The following CHID1 variants were observed in gnomAD, a reference collection of about 807,000 sequenced individuals.
CHID1 encodes chitinase domain-containing protein 1.
In CHID1, 44 loss-of-function variants were observed where a neutral mutation model predicts 55.4. The ratio of observed to expected loss-of-function variants is 0.79; its 90% CI spans 0.62 to 1.02. CHID1 has a LOEUF of 1.02. Ranked by LOEUF, CHID1 falls within the 50% of genes least tolerant of loss-of-function variation. CHID1 has a pLI of 0.00. For synonymous variants in CHID1, 216 were observed against 212.9 expected, an observed-to-expected ratio of 1.01 and a Z score of -0.13; for missense variants, 491 against 515.3, an observed-to-expected ratio of 0.95 and a Z score of 0.46.
upstream of CHID1, chr11:911,444 T>C (rs17155655): frequency 0.047 from 7,090 of 152,102 alleles, 299 homozygotes; most frequent in East Asian, 0.21. Flanking sequence ...GCCAGCACTT[T>C]TGAGTCACCG....
Position 870,104 on chromosome 11 carries a change from G to A in CHID1, c.1083+17C>T. 1.2e-6 allele frequency: 2 copies of A among 1,612,776 alleles called. No homozygotes were observed. On this transcript the variant is annotated intron_variant, in intron 12 of 12. Transcript: ENST00000323578. Reference sequence around the variant, plus strand: ...GGCCCACCCCTCCCCCGGTCCCACGGCTGGCAGCACACGCACCTTCAGGGT... The same window carrying A: ...GGCCCACCCCTCCCCCGGTCCCACGACTGGCAGCACACGCACCTTCAGGGT...
At chr11:895,587 G>A (rs1851212729) in intron 7 of CHID1, among the ~76,000 whole-genome samples, 2 of 152,182 alleles carry the variant, frequency 1.3e-5, no homozygotes, top group Admixed American at 6.5e-5. Flanking sequence ...ACAACTGTAA[G>A]GGGCTGATCC....
In CHID1 at chr11:883,214, C is replaced by T; in HGVS notation, c.893G>A (p.Gly298Glu). The change falls in exon 10 of 13, where the codon GGG (glycine) becomes GAG (glutamate). Residue 298 changes from glycine to glutamate, a missense_variant. Transcript: ENST00000323578. Reference protein sequence around the residue: ...KSKWRSKILLGLNFYGMDYAT... With the variant: ...KSKWRSKILLELNFYGMDYAT... ...GTAGTCCATACCATAGAAGTTGAGC[C>T]CCAGGAGGATTTTGCTTCGCCACTT... The T allele has an allele frequency of 6.2e-7, 1 of 1,614,206 alleles. No homozygotes were observed. Among genetic ancestry groups the T allele is most frequent in the Non-Finnish European group, 8.5e-7 (1 of 1,180,024 alleles).
At position 878,763 on chromosome 11, in the gene CHID1, G is replaced by A. The variant is rs371114842; in HGVS notation, c.959+4385C>T. On this transcript the variant is annotated intron_variant, in intron 10 of 12. Coordinates refer to ENST00000323578, the MANE Select transcript of CHID1 (RefSeq NM_023947.4). ...GTTGCCCAGGCTGGAGTGCAATGGC[G>A]CGATCTCCACTCACTGCAACGTCTG... Among the ~76,000 whole-genome samples, 8 of 150,990 alleles carry A rather than the reference G, an allele frequency of 5.3e-5. No homozygotes were observed. In the East Asian group the frequency reaches 1.2e-3, roughly 23 times the overall value.
Position 884,242 on chromosome 11 carries a change from C to T in CHID1, c.702-73G>A. 5 of 1,197,890 alleles carry T rather than the reference C, an allele frequency of 4.2e-6. No individual in the cohort carries two copies. The South Asian group carries it at 6.5e-5, about 16-fold the overall frequency. 74.2% of individuals were successfully genotyped at this position (1,197,890 alleles called of 1,614,324 possible). ...AGCCCCTCCCCAGCTGCGGTTCGAG[C>T]AAGCTGCCTGTAGGGGACTTGGGTC... On this transcript the variant is annotated intron_variant, in intron 8 of 12. Coordinates refer to ENST00000323578, the MANE Select transcript of CHID1 (RefSeq NM_023947.4).
intron 1 of CHID1, among the ~76,000 whole-genome samples, chr11:910,112 A>G (rs2134391112): frequency 6.6e-6 from 1 of 152,114 alleles, no homozygotes; most frequent in East Asian, 1.9e-4. Context: ...TGTAGTCCCA[A>G]GTAGCTAGGA....
At chr11:907,894 C>T (rs1852356095) in intron 1 of CHID1, among the ~76,000 whole-genome samples, 1 of 152,234 alleles carries the variant, frequency 6.6e-6, no homozygotes, top group African/African-American at 2.4e-5. Context: ...ACCCAAAAGA[C>T]TCCCTGGCCA....
chr11:907,587 T>G (rs1852337868), intron 1 of CHID1, among the ~76,000 whole-genome samples: 1 of 152,130 alleles, frequency 6.6e-6, no homozygotes, highest in Admixed American at 6.6e-5. Flanking sequence ...TAGTCCTTCA[T>G]GAAGCTTTGG....
intron 1 of CHID1, among the ~76,000 whole-genome samples, chr11:908,048 G>A (rs547760358): frequency 4.6e-5 from 7 of 152,246 alleles, no homozygotes; most frequent in South Asian, 2.1e-4. Context: ...GCTACCCCCA[G>A]GCAGGGAGTT....
At chr11:883,103 C>T (rs200541904) in intron 10 of CHID1, 45 bp downstream of exon 10, 94 of 1,582,574 alleles carry the variant, frequency 5.9e-5, no homozygotes, top group African/African-American at 5.5e-4. Flanking sequence ...CACCCACCCG[C>T]GCCCAGTGAC....
At position 893,440 on chromosome 11, in the gene CHID1, C is replaced by T. The variant is rs1399858508; in HGVS notation, c.688G>A (p.Ala230Thr). The change falls in exon 8 of 13, where the codon GCC (alanine) becomes ACC (threonine). Residue 230 changes from alanine to threonine, a missense_variant. By Grantham distance (58) the Ala-to-Thr change is moderately conservative (BLOSUM62 0). Coordinates refer to ENST00000323578, the MANE Select transcript of CHID1 (RefSeq NM_023947.4). ...RLLALLVIPP[A>T]ITPGTDQLGM... is the part of the protein sequence containing the mutation. Reference sequence around the variant, plus strand: ...AGCGGCACTTACCCGGGGGTGATGGCAGGCGGGATGACCAGGAGGGCCAGC... The same window carrying T: ...AGCGGCACTTACCCGGGGGTGATGGTAGGCGGGATGACCAGGAGGGCCAGC... 6.4e-7 allele frequency: 1 copy of T among 1,550,778 alleles called. No homozygotes were observed. The highest frequency in any genetic ancestry group is 2.0e-5 in the Admixed American group (1 of 50,974).
intron 10 of CHID1, among the ~76,000 whole-genome samples, chr11:871,019 C>T (rs774410707): frequency 5.2e-4 from 71 of 136,318 alleles, no homozygotes; most frequent in Middle Eastern, 5.0e-3. Context: ...GAGACGGAGT[C>T]TCACTCTGTC....
intron 1 of CHID1, chr11:908,764 T>A: frequency 4.8e-6 from 1 of 206,236 alleles, no homozygotes; most frequent in Non-Finnish European, 8.5e-6. Flanking sequence ...TAGGGCTGGG[T>A]CTCTGCCCCT....
At chr11:899,437 G>A in intron 6 of CHID1, 36 bp from the exon 7 acceptor site, 1 of 1,562,812 alleles carries the variant, frequency 6.4e-7, no homozygotes, top group Non-Finnish European at 8.7e-7. Flanking sequence ...AGGGCCTGGA[G>A]GCCCAGGAGG....
In CHID1 at chr11:868,330, C is replaced by T. The variant is rs1565154475; in HGVS notation, c.*1528G>A. The stretch of plus-strand genomic sequence containing the variant: ...GGTCACAGCTCACTGCAGCCTCAAC[C>T]TCATCAAGCGATCCTCCCATCTCAG... On this transcript the variant is annotated 3_prime_UTR_variant, in exon 13 of 13. Transcript: ENST00000323578. 6.6e-6 allele frequency: 1 copy of T among 152,160 alleles called. No individual in the cohort carries two copies. Among genetic ancestry groups the T allele is most frequent in the African/African-American group, 2.4e-5 (1 of 41,412 alleles). The allele number at this position is 152,160 out of a possible 1,614,324, so 9.4% of individuals were successfully genotyped here. A position where few individuals can be genotyped will look rare whatever the true frequency, so the allele number is the denominator to read the frequency against.
At chr11:893,712 C>A (rs1171865489) in intron 7 of CHID1, among the ~76,000 whole-genome samples, 193 bp from the exon 8 acceptor site, 4 of 152,056 alleles carry the variant, frequency 2.6e-5, no homozygotes, top group Admixed American at 2.0e-4. Context: ...TCTCATGCCC[C>A]AGTGGGCCCC....
At chr11:878,867 G>A (rs998015943) in intron 10 of CHID1, among the ~76,000 whole-genome samples, 9 of 150,722 alleles carry the variant, frequency 6.0e-5, no homozygotes, top group Non-Finnish European at 1.0e-4. Context: ...TTTTTTTTGA[G>A]ACGGAGTCTC....
intron 8 of CHID1, among the ~76,000 whole-genome samples, chr11:888,887 G>C (rs1850596309): frequency 6.6e-6 from 1 of 152,124 alleles, no homozygotes. Flanking sequence ...ACCAACGCCA[G>C]TGCCTGCCCA....
chr11:870,358 A>C, intron 11 of CHID1, 61 bp downstream of exon 11: 3 of 1,444,648 alleles, frequency 2.1e-6, no homozygotes, highest in Non-Finnish European at 2.9e-6. Flanking sequence ...CCTCATCTCC[A>C]CCCCCAGGGC....
Sources: allele counts gnomAD v4.1 joint callset (sites outside exome capture counted in the v4.1 genomes callset), GRCh38; gene constraint gnomAD v4.1.1; transcripts MANE v1.5; gene names NCBI Gene and HGNC (gene_info 2026-07-23, HGNC 2026-07-21).